Variants in CACNA1C observed in about 807,000 individuals in gnomAD.
CACNA1C encodes the protein calcium voltage-gated channel subunit alpha1 C.
CACNA1C carries 30 observed loss-of-function variants against 229.0 expected under a neutral mutation model. The ratio of observed to expected loss-of-function variants is 0.13; its 90% CI spans 0.10 to 0.18. The LOEUF is 0.18. CACNA1C is among the 10% of genes least tolerant of loss of function. The pLI is 1.00. For synonymous variants in CACNA1C, 1,114 were observed against 1,132.5 expected, an observed-to-expected ratio of 0.98 and a Z score of 0.33; for missense variants, 1,658 against 2,845.0, an observed-to-expected ratio of 0.58 and a Z score of 9.49.
At chr12:2,264,699 A>T (rs1229708090) in intron 3 of CACNA1C, among the ~76,000 whole-genome samples, 1 of 152,196 alleles carries the variant, frequency 6.6e-6, no homozygotes, top group Non-Finnish European at 1.5e-5. Flanking sequence ...CCTTTTGGCA[A>T]TCCAGTCAAA....
At chr12:2,536,221 A>G (rs2099854831) in intron 9 of CACNA1C, among the ~76,000 whole-genome samples, 1 of 152,246 alleles carries the variant, frequency 6.6e-6, no homozygotes, top group Admixed American at 6.5e-5. Context: ...GCCCCAGAGA[A>G]GAGAGAAAAT....
intron 3 of CACNA1C, among the ~76,000 whole-genome samples, chr12:2,123,375 CAAA>C (rs397761587): frequency 8.2e-5 from 6 of 72,984 alleles, no homozygotes; most frequent in Admixed American, 1.8e-4. Context: ...GACTCCATCT[CAAA>C]AAAAAAAAAA....
intron 1 of CACNA1C, among the ~76,000 whole-genome samples, chr12:2,071,277 G>A (rs1201414385): frequency 6.6e-6 from 1 of 150,416 alleles, no homozygotes; most frequent in Non-Finnish European, 1.5e-5. Context: ...CTTGAGCACA[G>A]TGAGTACTTG....
Position 2,585,905 on chromosome 12 carries a change from G to T in CACNA1C, c.2530+1G>T. 6.3e-7 allele frequency: 1 copy of T among 1,580,726 alleles called. No homozygotes were observed. Among genetic ancestry groups the T allele is most frequent in the Non-Finnish European group, 8.6e-7 (1 of 1,161,112 alleles). On this transcript the variant is annotated splice_donor_variant, in intron 18 of 46. Coordinates refer to ENST00000399655, the MANE Select transcript of CACNA1C (RefSeq NM_000719.7). LOFTEE classifies it high-confidence loss of function. The surrounding 1 kb of genome is among the most constrained non-coding windows in gnomAD (Gnocchi z 4.1). ...CCCTACCCCAACCCAGAAACTACAG[G>T]TACCAGTCCCACTGCCTAACCTGGG...
chr12:2,280,954 C>T (rs983119318), intron 3 of CACNA1C, among the ~76,000 whole-genome samples: 2 of 152,192 alleles, frequency 1.3e-5, no homozygotes, highest in Admixed American at 6.5e-5. Flanking sequence ...CTGTAGGGCT[C>T]ATAGTATACA....
Position 2,654,932 on chromosome 12 carries a change from C to A in CACNA1C, c.4141-215C>A, listed in dbSNP as rs367887897. 7.2e-4 allele frequency among the ~76,000 whole-genome samples: 109 copies of A among 152,264 alleles called. 2 individuals are homozygous for A. The South Asian group carries it at 0.017, about 23-fold the overall frequency. Reference sequence around the variant, plus strand: ...GCAGGGACCTTCCTGAGGCTGTGGGCACTTTGATTCTCATGCTTGTCCAGT... The same window carrying A: ...GCAGGGACCTTCCTGAGGCTGTGGGAACTTTGATTCTCATGCTTGTCCAGT... On this transcript the variant is annotated intron_variant, in intron 33 of 46. Coordinates refer to ENST00000399655, the MANE Select transcript of CACNA1C (RefSeq NM_000719.7). This position sits in a 1 kb window ranked among gnomAD's most constrained non-coding sequence, Gnocchi z 4.4.
At chr12:2,498,936 C>G (rs964931991) in intron 7 of CACNA1C, among the ~76,000 whole-genome samples, 1 of 152,234 alleles carries the variant, frequency 6.6e-6, no homozygotes, top group Non-Finnish European at 1.5e-5. Flanking sequence ...ATGAGTCCAT[C>G]TGATTCCAGG....
intron 3 of CACNA1C, among the ~76,000 whole-genome samples, chr12:2,120,697 T>TGTGTGTGTGTGTGTGTGTGTGTGTGTG (rs3085995): frequency 6.6e-6 from 1 of 151,022 alleles, no homozygotes; most frequent in East Asian, 1.9e-4. Context: ...TGTGTGTGTG[T>TGTGTGTGTGTGTGTGTGTGTGTGTGTG]TTAGTAGCAA....
chr12:2,213,142 G>C (rs970089416), intron 3 of CACNA1C, among the ~76,000 whole-genome samples: 1 of 152,166 alleles, frequency 6.6e-6, no homozygotes, highest in Non-Finnish European at 1.5e-5. Flanking sequence ...TCAGGAGCCA[G>C]CGCCTGCCAT....
chr12:1,983,307 C>T lies in CACNA1C; in HGVS notation c.139+12106C>T, dbSNP rs567061176. ...GCTTTGGATTTAATATACTCTTCTC[C>T]TATTTTCTTTAAGTGAACGTTTGAA... On this transcript the variant is annotated intron_variant, in intron 1 of 46. Transcript: ENST00000682462. Among the ~76,000 whole-genome samples, 3 of 151,698 alleles carry T rather than the reference C, an allele frequency of 2.0e-5. No individual in the cohort carries two copies. The South Asian group carries it at 6.2e-4, about 32-fold the overall frequency.
At chr12:2,532,627 C>G (rs2239112) in intron 9 of CACNA1C, among the ~76,000 whole-genome samples, 8,701 of 152,224 alleles carry the variant, frequency 0.057, 348 homozygotes, top group African/African-American at 0.11. Context: ...CCACACTGCC[C>G]GACACTCCCA....
At chr12:2,314,847 G>A (rs1309933382) in intron 3 of CACNA1C, among the ~76,000 whole-genome samples, 1 of 152,162 alleles carries the variant, frequency 6.6e-6, no homozygotes, top group East Asian at 1.9e-4. Flanking sequence ...GAGTAGAATT[G>A]CTGGGTTGTA....
intron 3 of CACNA1C, among the ~76,000 whole-genome samples, chr12:2,398,197 T>A (rs1261909838): frequency 6.6e-6 from 1 of 152,156 alleles, no homozygotes; most frequent in African/African-American, 2.4e-5. Flanking sequence ...TCCACTGTTC[T>A]TGGGCAAAAT....
At chr12:2,437,109 C>T (rs769472486) in intron 3 of CACNA1C, among the ~76,000 whole-genome samples, 1 of 152,262 alleles carries the variant, frequency 6.6e-6, no homozygotes, top group Non-Finnish European at 1.5e-5. Context: ...TCTCAGGCCA[C>T]TTCTGAAGCT....
At chr12:2,408,425 A>G (rs1162750529) in intron 3 of CACNA1C, among the ~76,000 whole-genome samples, 1 of 152,100 alleles carries the variant, frequency 6.6e-6, no homozygotes, top group Non-Finnish European at 1.5e-5. Context: ...ACAGTTTTAC[A>G]AAGTCTGGGT....
intron 5 of CACNA1C, among the ~76,000 whole-genome samples, chr12:2,463,773 G>A (rs1019555323): frequency 6.6e-6 from 1 of 152,150 alleles, no homozygotes; most frequent in Non-Finnish European, 1.5e-5. Flanking sequence ...TTCCAATGGG[G>A]TTCTGTGTAG....
At chr12:2,338,274 T>C (rs2096759919) in intron 3 of CACNA1C, among the ~76,000 whole-genome samples, 1 of 152,032 alleles carries the variant, frequency 6.6e-6, no homozygotes, top group Non-Finnish European at 1.5e-5. Flanking sequence ...AGTCAGAGAA[T>C]CGGTAAATGA....
intron 1 of CACNA1C, among the ~76,000 whole-genome samples, chr12:2,041,298 A>G (rs931490065): frequency 9.8e-5 from 7 of 71,384 alleles, no homozygotes; most frequent in African/African-American, 5.9e-4. Flanking sequence ...TTTTTTTGAG[A>G]CGGAGTCTTG....
intron 3 of CACNA1C, among the ~76,000 whole-genome samples, chr12:2,278,333 A>G (rs957687989): frequency 6.6e-5 from 10 of 152,204 alleles, no homozygotes; most frequent in African/African-American, 2.4e-4. Context: ...TTCAACATTG[A>G]CCATCAGTGC....
Sources: gnomAD v4.1 joint callset for allele counts (sites outside exome capture counted in the v4.1 genomes callset) on GRCh38, gnomAD v4.1.1 for gene constraint, Gnocchi (gnomAD v3.1) non-coding constraint, MANE v1.5 for transcripts, NCBI Gene and HGNC (gene_info 2026-07-23, HGNC 2026-07-21) for gene names.